KDM5A: variants seen among roughly 807,000 people sequenced by gnomAD.
KDM5A encodes lysine demethylase 5A.
A neutral mutation model predicts 193.5 loss-of-function variants in KDM5A; 42 were observed. That is an observed-to-expected ratio of 0.22 (90% CI 0.17 to 0.28). The LOEUF (loss-of-function observed/expected upper bound fraction) is 0.28. KDM5A is among the 10% of genes least tolerant of loss of function. KDM5A has a pLI of 1.00. For synonymous variants in KDM5A, 796 were observed against 718.1 expected (o/e 1.11, Z -1.73); for missense variants, 1,692 against 2,055.1 (o/e 0.82, Z 3.42).
intron 3 of KDM5A, among the ~76,000 whole-genome samples, chr12:374,741 C>T (rs1393401280): frequency 6.6e-6 from 1 of 152,160 alleles, no homozygotes; most frequent in Non-Finnish European, 1.5e-5. Flanking sequence ...TTAGTGCTTC[C>T]TTCAGGAGCT....
At chr12:388,811 T>C (rs986157915) in intron 1 of KDM5A, 116 bp downstream of exon 1, 3 of 1,270,924 alleles carry the variant, frequency 2.4e-6, no homozygotes, top group Non-Finnish European at 3.4e-6. Flanking sequence ...AGGCTCCAGT[T>C]GTCTCAAAAG....
In KDM5A at chr12:283,764, CA is replaced by C. The variant is rs1361350013; in HGVS notation, c.*1691del. The C allele has an allele frequency of 4.3e-6, 1 of 231,904 alleles. No homozygotes were observed. The highest frequency in any genetic ancestry group is 8.5e-6 in the Non-Finnish European group (1 of 117,638). 14.4% of individuals were successfully genotyped at this position (231,904 alleles called of 1,614,324 possible). ...AGTCAAACCACAGATTTTTTTAAAC[CA>C]AAATAAAGACACCAGACAGTGATGA... is the stretch of plus-strand genomic sequence containing the variant. On this transcript the variant is annotated 3_prime_UTR_variant, in exon 28 of 28. Transcript: ENST00000399788.
intron 3 of KDM5A, among the ~76,000 whole-genome samples, chr12:371,529 C>A (rs1243681329): frequency 2.0e-5 from 3 of 152,070 alleles, no homozygotes; most frequent in East Asian, 3.8e-4. Flanking sequence ...GAGTAGACTG[C>A]AAAAATTTTC....
chr12:323,228 A>AAAAAAAAAAAAAAAAAAAC, intron 15 of KDM5A, 22 bp from the exon 16 acceptor site: 1 of 1,501,366 alleles, frequency 6.7e-7, no homozygotes, highest in Non-Finnish European at 8.9e-7. Flanking sequence ...AAAAAAAAAA[A>AAAAAAAAAAAAAAAAAAAC]AAAAAAAAAA....
chr12:304,446 CTTTTTT>C (rs67930424), intron 24 of KDM5A, among the ~76,000 whole-genome samples: 3 of 112,584 alleles, frequency 2.7e-5, no homozygotes, highest in Non-Finnish European at 3.6e-5. Flanking sequence ...AGAGTATAGG[CTTTTTT>C]TTTTTTTTTT....
intron 22 of KDM5A, 113 bp downstream of exon 22, chr12:309,690 A>T (rs995150611): frequency 1.0e-5 from 12 of 1,143,096 alleles, no homozygotes; most frequent in Non-Finnish European, 1.6e-5. Flanking sequence ...ATAATCATAA[A>T]GCCAAAGTAT....
In KDM5A at chr12:352,418, A is replaced by C. The variant is rs1342994348; in HGVS notation, c.1030-94T>G. On this transcript the variant is annotated intron_variant, in intron 8 of 27. Coordinates refer to ENST00000399788, the MANE Select transcript of KDM5A (RefSeq NM_001042603.3). ...TACTAAATTCTTTGATCATTTCCCT[A>C]GGTAAAGTAAATCCAGTCAACCCTA... 5.2e-6 allele frequency: 6 copies of C among 1,155,034 alleles called. No homozygotes were observed. In the Admixed American group the frequency reaches 7.0e-5, roughly 14 times the overall value. The allele number at this position is 1,155,034 out of a possible 1,614,324, so 71.5% of individuals were successfully genotyped here. A position where few individuals can be genotyped will look rare whatever the true frequency, so the allele number is the denominator to read the frequency against.
rs1020549179 is a variant in KDM5A at position 388,782 on chromosome 12, G to C, written c.165+145C>G. 1.1e-5 allele frequency: 12 copies of C among 1,050,674 alleles called. No individual in the cohort carries two copies. The East Asian group carries it at 2.6e-4, about 23-fold the overall frequency. The allele number at this position is 1,050,674 out of a possible 1,614,324, so 65.1% of individuals were successfully genotyped here. ...TACATAAGACCACAAAAGAAACCGA[G>C]GCAAAAACATCCAGAAACAGGCTCC... is the stretch of plus-strand genomic sequence containing the variant. On this transcript the variant is annotated intron_variant, in intron 1 of 27. Coordinates refer to ENST00000399788, the MANE Select transcript of KDM5A (RefSeq NM_001042603.3).
chr12:336,568 A>C (rs1051755370), intron 10 of KDM5A, among the ~76,000 whole-genome samples: 2 of 152,156 alleles, frequency 1.3e-5, no homozygotes, highest in African/African-American at 4.8e-5. Context: ...ATTTCATTGA[A>C]GAGACAAGGT....
chr12:330,085 G>GTGTGTGTGTGTGTATA (rs377271333), intron 13 of KDM5A, among the ~76,000 whole-genome samples: 2,234 of 139,280 alleles, frequency 0.016, 35 homozygotes, highest in East Asian at 0.088. Flanking sequence ...GTGTGTGTGT[G>GTGTGTGTGTGTGTATA]TATATATATA....
At position 316,284 on chromosome 12, in the gene KDM5A, TTC is replaced by T. The variant is rs377514603; in HGVS notation, c.2897+1820_2897+1821del. Reference sequence around the variant, plus strand: ...AATTATTTGAAATTCATTCATTTATTTCTCTCTCTCTCTCTACTAGAACGGTA... The same window carrying T: ...AATTATTTGAAATTCATTCATTTATTTCTCTCTCTCTCTACTAGAACGGTA... On this transcript the variant is annotated intron_variant, in intron 19 of 27. Coordinates refer to ENST00000399788, the MANE Select transcript of KDM5A (RefSeq NM_001042603.3). 5.3e-5 allele frequency among the ~76,000 whole-genome samples: 8 copies of T among 151,134 alleles called. No homozygotes were observed. In the South Asian group the frequency reaches 6.2e-4, roughly 12 times the overall value.
intron 5 of KDM5A, among the ~76,000 whole-genome samples, chr12:362,567 T>C (rs993947657): frequency 2.6e-5 from 4 of 152,192 alleles, no homozygotes; most frequent in Non-Finnish European, 5.9e-5. Flanking sequence ...GTCTATAAAA[T>C]TGGCACTACA....
At chr12:353,080 C>T (rs1035558911) in intron 8 of KDM5A, among the ~76,000 whole-genome samples, 3 of 152,188 alleles carry the variant, frequency 2.0e-5, no homozygotes, top group Non-Finnish European at 4.4e-5. Context: ...CACAGTGGCT[C>T]GTGTCTGTAA....
chr12:307,646 C>G lies in KDM5A; in HGVS notation c.3738G>C (p.Leu1246=), dbSNP rs200529498. 6.2e-7 allele frequency: 1 copy of G among 1,614,218 alleles called. No homozygotes were observed. The highest frequency in any genetic ancestry group is 1.3e-5 in the African/African-American group (1 of 75,068). The change falls in exon 23 of 28, where the codon CTG becomes CTC. Residue 1246 remains leucine, a synonymous_variant. Transcript: ENST00000399788. The surrounding 1 kb of genome is among the most constrained non-coding windows in gnomAD (Gnocchi z 4.3). ...TCATAGCACGTTCTGTCAAACACTG[C>G]AGGGCCTCTCCTTCAGGCAACCGTA... ...LPVRLPEGEA[L]QCLTERAMSW...
rs1248802255 is a variant in KDM5A at position 283,548 on chromosome 12, CT to C, written c.*1907del. 8.7e-5 allele frequency: 20 copies of C among 230,456 alleles called. No individual in the cohort carries two copies. The highest frequency in any genetic ancestry group is 1.3e-4 in the African/African-American group (6 of 44,976). The allele number at this position is 230,456 out of a possible 1,614,324, so 14.3% of individuals were successfully genotyped here. A position where few individuals can be genotyped will look rare whatever the true frequency, so the allele number is the denominator to read the frequency against. ...GAAATTGGATTTTATAAGAAAACATCTTTTTTTTTGTAAGATTCCTTTTGAG... is the reference window on the plus strand; with the variant it reads ...GAAATTGGATTTTATAAGAAAACATCTTTTTTTTGTAAGATTCCTTTTGAG... On this transcript the variant is annotated 3_prime_UTR_variant, in exon 28 of 28. Transcript: ENST00000399788.
rs772823775 is a variant in KDM5A at position 292,855 on chromosome 12, G to A, written c.4770C>T (p.Asp1590=). ...TEKKREKKVL[D]IPSKYDWSGA... ...CTGACCAGTCATACTTTGAGGGGAT[G>A]TCCAGCACCTTTTTCTCTCTTTTCT... Residue 1590 remains aspartate (D), a synonymous_variant, in exon 27 of 28, where the codon GAC becomes GAT. Transcript: ENST00000399788. 1.7e-5 allele frequency: 27 copies of A among 1,614,092 alleles called. No homozygotes were observed. The African/African-American group carries it at 3.2e-4, about 19-fold the overall frequency.
chr12:291,901 C>CTT (rs199559800), intron 27 of KDM5A, among the ~76,000 whole-genome samples: 48 of 129,894 alleles, frequency 3.7e-4, no homozygotes, highest in Non-Finnish European at 6.0e-4. Context: ...TAAAACAATG[C>CTT]TTTTTTTTTT....
intron 5 of KDM5A, among the ~76,000 whole-genome samples, chr12:357,451 A>G (rs2137459448): frequency 6.6e-6 from 1 of 151,966 alleles, no homozygotes; most frequent in African/African-American, 2.4e-5. Flanking sequence ...GCAGCAAGCC[A>G]TGATTGTCCT....
intron 10 of KDM5A, among the ~76,000 whole-genome samples, chr12:334,841 C>T (rs1208948698): frequency 2.0e-5 from 3 of 152,154 alleles, no homozygotes; most frequent in African/African-American, 7.2e-5. Flanking sequence ...TAATCTTGAA[C>T]TTGTGACAAC....
Sources: gnomAD v4.1 joint callset for allele counts (sites outside exome capture counted in the v4.1 genomes callset) on GRCh38, gnomAD v4.1.1 for gene constraint, Gnocchi (gnomAD v3.1) non-coding constraint, MANE v1.5 for transcripts, NCBI Gene and HGNC (gene_info 2026-07-23, HGNC 2026-07-21) for gene names.